KCNMA1: variants seen among roughly 807,000 people sequenced by gnomAD.
The protein encoded by KCNMA1 is potassium calcium-activated channel subfamily M alpha 1.
Under a neutral mutation model 140.0 loss-of-function variants are expected in KCNMA1, and 29 were observed. The observed-to-expected ratio is 0.21, with a 90% CI of 0.15 to 0.28. The LOEUF is 0.28. Among genes scored for constraint, KCNMA1 ranks in the 10% least tolerant of loss-of-function variants. The pLI is 1.00. For synonymous variants in KCNMA1, 612 were observed against 611.9 expected (o/e 1.00, Z 0.00); for missense variants, 880 against 1,602.2 (o/e 0.55, Z 7.70).
chr10:77,445,819 G>A (rs755597860), intron 1 of KCNMA1, among the ~76,000 whole-genome samples: 15 of 152,154 alleles, frequency 9.9e-5, no homozygotes, highest in African/African-American at 1.7e-4. Flanking sequence ...CGATGGGGCC[G>A]CTCTATCTCT....
At chr10:77,153,447 C>T (rs117473180) in intron 5 of KCNMA1, among the ~76,000 whole-genome samples, 2,248 of 152,228 alleles carry the variant, frequency 0.015, 36 homozygotes, top group South Asian at 0.062. Flanking sequence ...TCTTGGCTCA[C>T]TGCAACCTCA....
intron 5 of KCNMA1, among the ~76,000 whole-genome samples, chr10:77,160,944 A>G (rs2098547381): frequency 6.6e-6 from 1 of 152,198 alleles, no homozygotes; most frequent in African/African-American, 2.4e-5. Context: ...CACTCTCACC[A>G]TGAAATACAC....
intron 2 of KCNMA1, among the ~76,000 whole-genome samples, chr10:77,355,542 C>T (rs1212710429): frequency 6.6e-6 from 1 of 152,146 alleles, no homozygotes; most frequent in Admixed American, 6.5e-5. Context: ...CATCTAGCCC[C>T]AGGAGCTCCT....
At chr10:76,883,991 C>A, downstream of KCNMA1, 1 of 983,536 alleles carries the variant, frequency 1.0e-6, no homozygotes, top group Non-Finnish European at 1.2e-6. Flanking sequence ...AATTATCTAC[C>A]ACTGGGGCAT....
intron 20 of KCNMA1, among the ~76,000 whole-genome samples, chr10:76,965,257 C>A (rs528429216): frequency 4.3e-4 from 66 of 152,302 alleles, no homozygotes; most frequent in Non-Finnish European, 8.8e-4. Flanking sequence ...GGTCTCAGGA[C>A]TGATGTCAGG....
intron 3 of KCNMA1, among the ~76,000 whole-genome samples, chr10:77,210,695 T>C (rs889699081): frequency 3.9e-5 from 6 of 152,208 alleles, no homozygotes; most frequent in African/African-American, 1.4e-4. Flanking sequence ...CTGTTATAAC[T>C]GATCAATGAT....
At chr10:76,977,672 C>T (rs2078079939) in intron 19 of KCNMA1, 1 of 702,698 alleles carries the variant, frequency 1.4e-6, no homozygotes. Context: ...AAGAAATACC[C>T]GTGGAGCCCA....
chr10:77,414,604 C>T (rs1199746040), intron 1 of KCNMA1, among the ~76,000 whole-genome samples: 1 of 152,072 alleles, frequency 6.6e-6, no homozygotes, highest in Non-Finnish European at 1.5e-5. Context: ...CGATTCTCCT[C>T]CTCAGCCTCC....
At chr10:77,449,845 T>G (rs2097597714) in intron 1 of KCNMA1, among the ~76,000 whole-genome samples, 1 of 152,080 alleles carries the variant, frequency 6.6e-6, no homozygotes, top group African/African-American at 2.4e-5. Context: ...GGTTTCACTG[T>G]GTTAGCCAGG....
intron 1 of KCNMA1, among the ~76,000 whole-genome samples, chr10:77,545,354 A>G (rs554781746): frequency 6.6e-6 from 1 of 152,358 alleles, no homozygotes; most frequent in African/African-American, 2.4e-5. Flanking sequence ...CCCCTAACAC[A>G]TGAGGACTGA....
Position 77,382,701 on chromosome 10 carries a change from C to T in KCNMA1, c.540+21161G>A, listed in dbSNP as rs188236175. 3.6e-3 allele frequency among the ~76,000 whole-genome samples: 552 copies of T among 151,258 alleles called. 2 individuals carry two copies. Among genetic ancestry groups the T allele is most frequent in the Non-Finnish European group, 5.0e-3 (339 of 67,802 alleles). On this transcript the variant is annotated intron_variant, in intron 2 of 27. Coordinates refer to ENST00000286628, the MANE Select transcript of KCNMA1 (RefSeq NM_001161352.2). Reference sequence around the variant, plus strand: ...CCAACATGGTAAAACCCTGTCTCTACTAAAAATACAAAAATTAGCTCGGTG... The same window carrying T: ...CCAACATGGTAAAACCCTGTCTCTATTAAAAATACAAAAATTAGCTCGGTG...
intron 25 of KCNMA1, among the ~76,000 whole-genome samples, chr10:76,895,839 C>T (rs11001922): frequency 0.31 from 46,491 of 152,006 alleles, 8,495 homozygotes; most frequent in Non-Finnish European, 0.4. Context: ...CCCCCTGAGC[C>T]GCAAAACCAG....
At chr10:77,575,873 G>A (rs1443322855) in intron 1 of KCNMA1, among the ~76,000 whole-genome samples, 3 of 152,238 alleles carry the variant, frequency 2.0e-5, no homozygotes, top group Non-Finnish European at 4.4e-5. Context: ...CACCCCCAGA[G>A]GGGAGTCCCT....
intron 5 of KCNMA1, among the ~76,000 whole-genome samples, chr10:77,125,092 T>A (rs111614629): frequency 0.011 from 1,728 of 152,198 alleles, 30 homozygotes; most frequent in African/African-American, 0.04. Flanking sequence ...CATGATTCAA[T>A]TACCTTCCAC....
At chr10:77,127,782 G>A (rs1426087432) in intron 5 of KCNMA1, among the ~76,000 whole-genome samples, 1 of 152,050 alleles carries the variant, frequency 6.6e-6, no homozygotes, top group Non-Finnish European at 1.5e-5. Flanking sequence ...AGACCAGCCT[G>A]GCCAACATGG....
chr10:77,516,334 A>T (rs924281749), intron 1 of KCNMA1, among the ~76,000 whole-genome samples: 4 of 151,594 alleles, frequency 2.6e-5, no homozygotes, highest in Non-Finnish European at 5.9e-5. Flanking sequence ...CTCTCCATGC[A>T]CCCTCCATAG....
At chr10:77,274,922 G>A (rs1005403977) in intron 2 of KCNMA1, among the ~76,000 whole-genome samples, 3 of 152,238 alleles carry the variant, frequency 2.0e-5, no homozygotes, top group Non-Finnish European at 2.9e-5. Flanking sequence ...GATGAAGACC[G>A]AGATGGGGCA....
chr10:77,033,431 TTCTC>T (rs138802542), intron 15 of KCNMA1, among the ~76,000 whole-genome samples: 1 of 151,410 alleles, frequency 6.6e-6, no homozygotes, highest in African/African-American at 2.4e-5. Context: ...TATTCTCTCC[TTCTC>T]TCTCTCTCTT....
At chr10:76,897,220 G>A (rs1897591) in intron 25 of KCNMA1, among the ~76,000 whole-genome samples, 96,743 of 151,144 alleles carry the variant, frequency 0.64, 31,461 homozygotes, top group African/African-American at 0.71. Context: ...AAATGCAAGC[G>A]TGTAAAACAA....
Sources: gnomAD v4.1 joint callset for allele counts (sites outside exome capture counted in the v4.1 genomes callset) on GRCh38, gnomAD v4.1.1 for gene constraint, MANE v1.5 for transcripts, NCBI Gene and HGNC (gene_info 2026-07-23, HGNC 2026-07-21) for gene names.